The following LRRC7 variants were observed in gnomAD, a reference collection of about 807,000 sequenced individuals.
LRRC7 encodes leucine-rich repeat-containing protein 7.
A neutral mutation model predicts 175.7 loss-of-function variants in LRRC7; 23 were observed. The observed-to-expected ratio is 0.13, with a 90% CI of 0.09 to 0.19. The LOEUF (loss-of-function observed/expected upper bound fraction) is 0.19. LRRC7 is among the 10% of genes least tolerant of loss of function. The pLI is 1.00. For synonymous variants in LRRC7, 685 were observed against 680.9 expected, an observed-to-expected ratio of 1.01 and a Z score of -0.09; for missense variants, 1,354 against 1,904.7, an observed-to-expected ratio of 0.71 and a Z score of 5.38.
At chr1:69,988,666 G>C (rs1654159171) in intron 10 of LRRC7, among the ~76,000 whole-genome samples, 1 of 152,178 alleles carries the variant, frequency 6.6e-6, no homozygotes. Context: ...TTTACAACTA[G>C]TATGTGGAGC....
At chr1:69,959,567 G>T (rs923302091) in intron 8 of LRRC7, among the ~76,000 whole-genome samples, 2 of 152,010 alleles carry the variant, frequency 1.3e-5, no homozygotes, top group Non-Finnish European at 2.9e-5. Flanking sequence ...AGAACAGATT[G>T]GTTATGAACA....
Position 69,684,205 on chromosome 1 carries a change from T to C in LRRC7, c.100+5727T>C, listed in dbSNP as rs144142007. Among the ~76,000 whole-genome samples, 43 of 152,320 alleles carry C rather than the reference T, an allele frequency of 2.8e-4. No individual in the cohort carries two copies. The East Asian group carries it at 8.3e-3, about 29-fold the overall frequency. On this transcript the variant is annotated intron_variant, in intron 2 of 26. Coordinates refer to ENST00000651989, the MANE Select transcript of LRRC7 (RefSeq NM_001370785.2). ...AACTCTCTGAGCAGCAAGAACTCCC[T>C]CTTATTCACTATATTAATAACACAT... is the stretch of plus-strand genomic sequence containing the variant.
chr1:69,658,253 A>G (rs549127711), intron 1 of LRRC7, among the ~76,000 whole-genome samples: 4 of 151,956 alleles, frequency 2.6e-5, no homozygotes, highest in Non-Finnish European at 4.4e-5. Flanking sequence ...ATTTTAAATA[A>G]TTCATATTAG....
At chr1:70,040,021 C>A (rs1432141479) in intron 21 of LRRC7, among the ~76,000 whole-genome samples, 1 of 152,136 alleles carries the variant, frequency 6.6e-6, no homozygotes, top group Non-Finnish European at 1.5e-5. Flanking sequence ...TCAAATCTAA[C>A]CCAAATATTG....
chr1:69,875,605 TG>T (rs1685970251), intron 7 of LRRC7, among the ~76,000 whole-genome samples: 1 of 152,052 alleles, frequency 6.6e-6, no homozygotes, highest in African/African-American at 2.4e-5. Context: ...ATAATATTTG[TG>T]TGACTCTAAT....
chr1:69,816,636 G>A (rs1678633541), intron 4 of LRRC7, among the ~76,000 whole-genome samples: 1 of 152,166 alleles, frequency 6.6e-6, no homozygotes, highest in South Asian at 2.1e-4. Context: ...AAGGTAGAAT[G>A]TAAATATTTA....
intron 17 of LRRC7, among the ~76,000 whole-genome samples, chr1:70,023,824 AG>A (rs1295588800): frequency 6.6e-6 from 1 of 152,196 alleles, no homozygotes; most frequent in African/African-American, 2.4e-5. Context: ...AGATTTGCTG[AG>A]AGTGGCCTTT....
chr1:70,052,138 C>CT (rs1328922649), intron 22 of LRRC7, among the ~76,000 whole-genome samples: 4 of 151,614 alleles, frequency 2.6e-5, no homozygotes, highest in Admixed American at 2.6e-4. Context: ...CCAAGCAGTA[C>CT]TTGTGTATCT....
intron 4 of LRRC7, among the ~76,000 whole-genome samples, chr1:69,810,920 A>G (rs180804351): frequency 1.5e-4 from 23 of 152,364 alleles, no homozygotes; most frequent in Admixed American, 1.1e-3. Context: ...AAAATTGACA[A>G]CTGGGATCTA....
intron 3 of LRRC7, among the ~76,000 whole-genome samples, chr1:69,761,946 C>T (rs986162433): frequency 2.6e-5 from 4 of 151,490 alleles, no homozygotes; most frequent in Non-Finnish European, 4.4e-5. Flanking sequence ...TGGGGGGTGG[C>T]GGGTTTCTAG....
chr1:69,982,696 A>G (rs1279985601), intron 9 of LRRC7, among the ~76,000 whole-genome samples: 1 of 152,214 alleles, frequency 6.6e-6, no homozygotes, highest in Admixed American at 6.5e-5. Context: ...CAACCAAAAT[A>G]TGACTAAATC....
chr1:70,095,245 C>T (rs994060024), intron 25 of LRRC7, among the ~76,000 whole-genome samples: 6 of 152,022 alleles, frequency 3.9e-5, no homozygotes, highest in South Asian at 2.1e-4. Flanking sequence ...TTTAGGAAGA[C>T]GCTGAAACAG....
At chr1:69,941,999 C>T (rs1433736317) in intron 8 of LRRC7, among the ~76,000 whole-genome samples, 1 of 152,068 alleles carries the variant, frequency 6.6e-6, no homozygotes, top group Non-Finnish European at 1.5e-5. Flanking sequence ...TGCCTCCATA[C>T]ATTCTAAACC....
intron 1 of LRRC7, among the ~76,000 whole-genome samples, chr1:69,650,366 C>T (rs1270825185): frequency 6.6e-6 from 1 of 151,554 alleles, no homozygotes; most frequent in Non-Finnish European, 1.5e-5. Context: ...TGGTGAAAAC[C>T]CGTCTCTACT....
chr1:69,672,694 A>C (rs984178422), intron 1 of LRRC7, among the ~76,000 whole-genome samples: 4 of 152,176 alleles, frequency 2.6e-5, no homozygotes, highest in African/African-American at 9.6e-5. Flanking sequence ...TCAAGTGTAA[A>C]TCTATTTCAA....
intron 3 of LRRC7, among the ~76,000 whole-genome samples, chr1:69,781,941 A>AAAGAAAGAAAGAGAGG (rs1557721432): frequency 9.0e-5 from 12 of 134,032 alleles, no homozygotes; most frequent in Admixed American, 6.0e-4. Flanking sequence ...AGAAAGAAAG[A>AAAGAAAGAAAGAGAGG]GAAAAGAAAA....
chr1:70,089,167 C>CT (rs1457251617), intron 24 of LRRC7, among the ~76,000 whole-genome samples: 6 of 151,836 alleles, frequency 4.0e-5, no homozygotes, highest in South Asian at 2.1e-4. Context: ...TTCATTTTTC[C>CT]TTTTTTTTAC....
intron 7 of LRRC7, among the ~76,000 whole-genome samples, chr1:69,911,013 A>ATAATC (rs1331939162): frequency 2.6e-5 from 4 of 152,220 alleles, no homozygotes; most frequent in Non-Finnish European, 5.9e-5. Flanking sequence ...TGTGGGGGAT[A>ATAATC]TAATCTCCTG....
chr1:69,763,210 C>T (rs1557696084), intron 3 of LRRC7, among the ~76,000 whole-genome samples: 1 of 151,888 alleles, frequency 6.6e-6, no homozygotes, highest in Admixed American at 6.6e-5. Context: ...GTGGTAGGTC[C>T]ATCTCAGGAC....
Sources: allele counts gnomAD v4.1 joint callset (sites outside exome capture counted in the v4.1 genomes callset), GRCh38; gene constraint gnomAD v4.1.1; transcripts MANE v1.5; gene names NCBI Gene and HGNC (gene_info 2026-07-23, HGNC 2026-07-21).